CCBE1: variants seen among roughly 807,000 people sequenced by gnomAD.
The protein encoded by CCBE1 is collagen and calcium binding EGF domains 1, also known as collagen and calcium-binding EGF domain-containing protein 1.
CCBE1 carries 37 observed loss-of-function variants against 50.0 expected under a neutral mutation model. The ratio of observed to expected loss-of-function variants is 0.74; its 90% CI spans 0.57 to 0.97. The LOEUF is 0.97. CCBE1 is among the 50% of genes least tolerant of loss of function. The pLI is 0.00. For synonymous variants in CCBE1, 234 were observed against 203.7 expected (o/e 1.15, Z -1.27); for missense variants, 538 against 523.8 (o/e 1.03, Z -0.26).
intron 2 of CCBE1, among the ~76,000 whole-genome samples, chr18:59,604,630 T>C (rs1476548714): frequency 6.6e-6 from 1 of 152,174 alleles, no homozygotes; most frequent in African/African-American, 2.4e-5. Context: ...AACAAGCAGA[T>C]ATGGGAGATT....
intron 2 of CCBE1, among the ~76,000 whole-genome samples, chr18:59,610,561 A>G (rs1232042326): frequency 5.3e-5 from 8 of 152,174 alleles, no homozygotes; most frequent in Admixed American, 2.6e-4. Context: ...AATCCACCAG[A>G]ATATAATGTG....
chr18:59,631,411 A>C (rs2053846654), intron 2 of CCBE1, among the ~76,000 whole-genome samples: 1 of 152,186 alleles, frequency 6.6e-6, no homozygotes, highest in Admixed American at 6.5e-5. Flanking sequence ...GGTTTCTTTC[A>C]CTTGCTACCG....
rs34847608 is a variant in CCBE1 at position 59,613,863 on chromosome 18, G to GTTTTTTT, written c.212+82759_212+82765dup. Among the ~76,000 whole-genome samples the GTTTTTTT allele has an allele frequency of 1.6e-3, 161 of 98,408 alleles. 1 individual carries two copies. Among genetic ancestry groups the GTTTTTTT allele is most frequent in the African/African-American group, 4.8e-3 (128 of 26,776 alleles). The allele number at this position is 98,408 out of a possible 152,430, so 64.6% of individuals were successfully genotyped here. A position where few individuals can be genotyped will look rare whatever the true frequency, so the allele number is the denominator to read the frequency against. Reference sequence around the variant, plus strand: ...GCACAAAGATGTTTTTCTCTGATGGGTTTTTTTTTTTTTTTTTTTTTTTGG... The same window carrying GTTTTTTT: ...GCACAAAGATGTTTTTCTCTGATGGGTTTTTTTTTTTTTTTTTTTTTTTTTTTTTTGG... On this transcript the variant is annotated intron_variant, in intron 2 of 10. Transcript: ENST00000439986.
intron 2 of CCBE1, among the ~76,000 whole-genome samples, chr18:59,642,039 G>A (rs965135004): frequency 2.0e-5 from 3 of 152,054 alleles, no homozygotes; most frequent in Non-Finnish European, 4.4e-5. Flanking sequence ...AGGAAAAAGG[G>A]TGATAAAATC....
chr18:59,566,416 A>G (rs868633460), intron 2 of CCBE1, among the ~76,000 whole-genome samples: 1 of 152,210 alleles, frequency 6.6e-6, no homozygotes, highest in South Asian at 2.1e-4. Flanking sequence ...AACTACCTTT[A>G]GAAAAGCTAT....
At chr18:59,654,481 G>A (rs997993870) in intron 2 of CCBE1, among the ~76,000 whole-genome samples, 1 of 152,048 alleles carries the variant, frequency 6.6e-6, no homozygotes, top group African/African-American at 2.4e-5. Context: ...AATATTAGCT[G>A]GATGTGGTGG....
At chr18:59,557,776 CTTTCT>C (rs2052675285) in intron 2 of CCBE1, among the ~76,000 whole-genome samples, 1 of 152,198 alleles carries the variant, frequency 6.6e-6, no homozygotes, top group African/African-American at 2.4e-5. Flanking sequence ...GTGGAGTGTA[CTTTCT>C]TTTCAATAAA....
intron 2 of CCBE1, among the ~76,000 whole-genome samples, chr18:59,683,292 G>A (rs1278903116): frequency 2.0e-5 from 3 of 152,352 alleles, no homozygotes; most frequent in East Asian, 1.9e-4. Flanking sequence ...TGTCAAACGT[G>A]TTAGGAAAAT....
At chr18:59,453,137 GTT>G (rs1432889156) in intron 6 of CCBE1, among the ~76,000 whole-genome samples, 2 of 152,200 alleles carry the variant, frequency 1.3e-5, no homozygotes, top group African/African-American at 4.8e-5. Context: ...TTAGCCCCCT[GTT>G]CCTAAAGATC....
intron 2 of CCBE1, among the ~76,000 whole-genome samples, chr18:59,512,176 G>A (rs530076635): frequency 1.1e-4 from 16 of 152,326 alleles, no homozygotes; most frequent in East Asian, 3.9e-4. Flanking sequence ...CCAAAGAAGC[G>A]AAGTGCTGGG....
At chr18:59,696,371 C>A in intron 2 of CCBE1, 1 of 864,702 alleles carries the variant, frequency 1.2e-6, no homozygotes, top group South Asian at 1.8e-5. Flanking sequence ...GACTTCCACA[C>A]AAGTATTTCA....
At chr18:59,490,620 C>T (rs6567088) in intron 2 of CCBE1, among the ~76,000 whole-genome samples, 2,837 of 152,240 alleles carry the variant, frequency 0.019, 76 homozygotes, top group African/African-American at 0.063. Context: ...GCGCCAATCA[C>T]GATTCACTTC....
chr18:59,436,218 G>T, intron 10 of CCBE1, 77 bp from the exon 11 acceptor site: 3 of 1,281,354 alleles, frequency 2.3e-6, no homozygotes, highest in Non-Finnish European at 3.4e-6. Context: ...TTGACCTGCT[G>T]CTTGCTGGCA....
At chr18:59,657,228 T>C (rs1290642965) in intron 2 of CCBE1, among the ~76,000 whole-genome samples, 1 of 152,214 alleles carries the variant, frequency 6.6e-6, no homozygotes, top group Non-Finnish European at 1.5e-5. Context: ...CTAGGACAGA[T>C]GTGTGCGAGG....
intron 9 of CCBE1, among the ~76,000 whole-genome samples, chr18:59,438,606 T>A (rs1251092913): frequency 6.6e-6 from 1 of 152,146 alleles, no homozygotes; most frequent in East Asian, 1.9e-4. Flanking sequence ...GAAAAACACA[T>A]GTGAGAATCA....
At chr18:59,656,947 A>G (rs2054199160) in intron 2 of CCBE1, among the ~76,000 whole-genome samples, 1 of 152,132 alleles carries the variant, frequency 6.6e-6, no homozygotes, top group Non-Finnish European at 1.5e-5. Flanking sequence ...TAAGAAGATG[A>G]ATATAGGGTC....
chr18:59,555,693 G>A (rs1328018826), intron 2 of CCBE1, among the ~76,000 whole-genome samples: 1 of 152,152 alleles, frequency 6.6e-6, no homozygotes, highest in African/African-American at 2.4e-5. Context: ...CAATGTTACA[G>A]TCACAGTTGA....
At chr18:59,629,393 C>T (rs114976653) in intron 2 of CCBE1, among the ~76,000 whole-genome samples, 1 of 152,180 alleles carries the variant, frequency 6.6e-6, no homozygotes, top group African/African-American at 2.4e-5. Flanking sequence ...GCTGTTTTTC[C>T]CTTCATTTTC....
At chr18:59,659,130 G>A (rs984695481) in intron 2 of CCBE1, among the ~76,000 whole-genome samples, 2 of 152,120 alleles carry the variant, frequency 1.3e-5, no homozygotes, top group Admixed American at 6.5e-5. Context: ...AGTTGCTGGG[G>A]GTCATGAAAT....
Sources: gnomAD v4.1 joint callset for allele counts (sites outside exome capture counted in the v4.1 genomes callset) on GRCh38, gnomAD v4.1.1 for gene constraint, MANE v1.5 for transcripts, NCBI Gene and HGNC (gene_info 2026-07-23, HGNC 2026-07-21) for gene names.